DLG2: variants seen among roughly 807,000 people sequenced by gnomAD.
DLG2 encodes the protein discs large MAGUK scaffold protein 2.
In DLG2, 45 loss-of-function variants were observed where a neutral mutation model predicts 132.5. The ratio of observed to expected loss-of-function variants is 0.34; its 90% CI spans 0.27 to 0.44. The LOEUF is 0.44. Among genes scored for constraint, DLG2 ranks in the 20% least tolerant of loss-of-function variants. DLG2 has a pLI of 1.00. For missense variants in DLG2, 1,045 were observed against 1,196.9 expected (o/e 0.87, Z 1.87); for synonymous variants, 424 against 419.6 (o/e 1.01, Z -0.13).
intron 6 of DLG2, among the ~76,000 whole-genome samples, chr11:85,068,438 G>C (rs1230540358): frequency 6.6e-6 from 1 of 152,066 alleles, no homozygotes; most frequent in South Asian, 2.1e-4. Flanking sequence ...AAGCTGATAG[G>C]CAACTTCAGC....
At chr11:84,823,627 AC>A (rs1307217633) in intron 6 of DLG2, among the ~76,000 whole-genome samples, 4 of 136,808 alleles carry the variant, frequency 2.9e-5, no homozygotes, top group Middle Eastern at 7.8e-3. Context: ...ACACACACAC[AC>A]TTCATATTCC....
intron 9 of DLG2, among the ~76,000 whole-genome samples, chr11:84,159,211 C>T (rs142756603): frequency 8.5e-5 from 13 of 152,174 alleles, no homozygotes; most frequent in Admixed American, 3.3e-4. Context: ...ATATAAATCA[C>T]TTTATATTTA....
chr11:84,362,028 T>C (rs551995434), intron 7 of DLG2, among the ~76,000 whole-genome samples: 2 of 152,082 alleles, frequency 1.3e-5, no homozygotes, highest in South Asian at 4.1e-4. Flanking sequence ...CAAGATAACA[T>C]ATTTAAATTT....
At chr11:84,604,917 C>G (rs947788464) in intron 6 of DLG2, among the ~76,000 whole-genome samples, 1 of 151,758 alleles carries the variant, frequency 6.6e-6, no homozygotes, top group African/African-American at 2.4e-5. Flanking sequence ...ATTTCTACTC[C>G]CAAGTGATAA....
At chr11:85,014,524 T>A (rs1343096504) in intron 6 of DLG2, among the ~76,000 whole-genome samples, 1 of 152,182 alleles carries the variant, frequency 6.6e-6, no homozygotes, top group East Asian at 1.9e-4. Context: ...AGCTCTTTAC[T>A]ATAGAGGGAG....
At chr11:83,560,935 C>T (rs1437917460) in intron 19 of DLG2, among the ~76,000 whole-genome samples, 1 of 152,134 alleles carries the variant, frequency 6.6e-6, no homozygotes, top group Admixed American at 6.6e-5. Context: ...AATTGGCTCA[C>T]AGCTCCACAG....
chr11:84,182,539 AAAAAAG>A (rs1257163985), intron 8 of DLG2, among the ~76,000 whole-genome samples: 6 of 150,028 alleles, frequency 4.0e-5, no homozygotes, highest in Admixed American at 1.3e-4. Flanking sequence ...AAAAAAGAAA[AAAAAAG>A]AAAAAGAAAA....
rs1400275673 is a variant in DLG2, at chr11:85,538,967, T to A, written c.40+59690A>T. On this transcript the variant is annotated intron_variant, in intron 3 of 27. Transcript: ENST00000376104. ...TATTTAAATATGTGACAAACCTGCA[T>A]GCCCTGCACATGTATCCCAGAACTC... Among the ~76,000 whole-genome samples, 5 of 151,966 alleles carry A rather than the reference T, an allele frequency of 3.3e-5. No homozygotes were observed. The East Asian group carries it at 9.6e-4, about 29-fold the overall frequency.
At chr11:85,162,182 A>C (rs183808217) in intron 4 of DLG2, among the ~76,000 whole-genome samples, 1 of 152,310 alleles carries the variant, frequency 6.6e-6, no homozygotes, top group Admixed American at 6.5e-5. Flanking sequence ...AGATGAAATC[A>C]GTGTACTACT....
At chr11:83,886,750 C>G (rs1372250843) in intron 15 of DLG2, among the ~76,000 whole-genome samples, 4 of 152,208 alleles carry the variant, frequency 2.6e-5, no homozygotes, top group Non-Finnish European at 5.9e-5. Flanking sequence ...CAAACTGTCT[C>G]TCAGACCACA....
At chr11:84,029,290 C>T (rs1273589099) in intron 11 of DLG2, among the ~76,000 whole-genome samples, 1 of 151,956 alleles carries the variant, frequency 6.6e-6, no homozygotes, top group Non-Finnish European at 1.5e-5. Context: ...CAGATTAATA[C>T]CCTACTTCTA....
chr11:85,081,573 G>A (rs910440481), intron 6 of DLG2, among the ~76,000 whole-genome samples: 11 of 152,114 alleles, frequency 7.2e-5, no homozygotes, highest in South Asian at 2.1e-4. Flanking sequence ...CAAAGTAGAC[G>A]CTTAATGTCC....
At chr11:83,822,053 G>T (rs547068588) in intron 17 of DLG2, among the ~76,000 whole-genome samples, 4 of 152,240 alleles carry the variant, frequency 2.6e-5, no homozygotes, top group African/African-American at 9.6e-5. Context: ...TGGAGTTGGT[G>T]TGAAAGATGA....
rs562928404 is a variant in DLG2, at chr11:85,126,643, C to A, written c.283-14908G>T. Among the ~76,000 whole-genome samples, 3 of 152,086 alleles carry A rather than the reference C, an allele frequency of 2.0e-5. No homozygotes were observed. The East Asian group carries it at 5.8e-4, about 29-fold the overall frequency. Reference sequence around the variant, plus strand: ...CATCAAGCCCCCTGTTCCAATCTCCCCCACGTAGACATGCCACCTTGCAGA... The same window carrying A: ...CATCAAGCCCCCTGTTCCAATCTCCACCACGTAGACATGCCACCTTGCAGA... On this transcript the variant is annotated intron_variant, in intron 5 of 27. Transcript: ENST00000376104.
intron 6 of DLG2, among the ~76,000 whole-genome samples, chr11:84,848,921 T>C (rs1222485002): frequency 1.1e-4 from 16 of 152,216 alleles, no homozygotes; most frequent in Admixed American, 9.8e-4. Flanking sequence ...CTGGGACTTA[T>C]ATTAATCAAT....
At chr11:85,401,110 T>G (rs2152963612) in intron 3 of DLG2, among the ~76,000 whole-genome samples, 1 of 151,864 alleles carries the variant, frequency 6.6e-6, no homozygotes, top group African/African-American at 2.4e-5. Context: ...GCAAACCAAA[T>G]CCAGCAGCAC....
chr11:83,657,950 T>C (rs558872628), intron 18 of DLG2, among the ~76,000 whole-genome samples: 4 of 152,280 alleles, frequency 2.6e-5, no homozygotes, highest in African/African-American at 9.6e-5. Flanking sequence ...CACACACATA[T>C]CAAAGAAGAC....
At chr11:83,753,705 G>A (rs2093443187) in intron 18 of DLG2, among the ~76,000 whole-genome samples, 2 of 134,334 alleles carry the variant, frequency 1.5e-5, no homozygotes, top group Admixed American at 7.4e-5. Context: ...TATATATAGT[G>A]TCTATTTCAT....
intron 6 of DLG2, among the ~76,000 whole-genome samples, chr11:84,577,979 G>A (rs373442049): frequency 2.0e-5 from 3 of 152,206 alleles, no homozygotes; most frequent in East Asian, 3.9e-4. Flanking sequence ...AGCTGTGGTT[G>A]AAAGGGACCA....
Sources: allele counts gnomAD v4.1 joint callset (sites outside exome capture counted in the v4.1 genomes callset), GRCh38; gene constraint gnomAD v4.1.1; transcripts MANE v1.5; gene names NCBI Gene and HGNC (gene_info 2026-07-23, HGNC 2026-07-21).